The following ZNF592 variants were observed in gnomAD, a reference collection of about 807,000 sequenced individuals.
The protein encoded by ZNF592 is spinocerebellar ataxia, autosomal recessive 5.
In ZNF592, 11 loss-of-function variants were observed where a neutral mutation model predicts 80.3. The observed-to-expected ratio is 0.14, with a 90% CI of 0.09 to 0.23. The LOEUF (loss-of-function observed/expected upper bound fraction) is 0.23, where lower values mean the gene tolerates loss of function less well. ZNF592 is among the 10% of genes least tolerant of loss of function. The probability of loss-of-function intolerance (pLI) is 1.00; values close to 1 mark genes in which losing one functional copy is unlikely to be tolerated. For synonymous variants in ZNF592, 646 were observed against 640.3 expected (o/e 1.01, Z -0.13); for missense variants, 1,420 against 1,633.9 (o/e 0.87, Z 2.26).
intron 2 of ZNF592, among the ~76,000 whole-genome samples, chr15:84,768,061 A>ATTTTT (rs71135308): frequency 2.9e-5 from 4 of 137,484 alleles, no homozygotes; most frequent in Non-Finnish European, 4.7e-5. Flanking sequence ...TTTAATTTTA[A>ATTTTT]TTTTTTTTTT....
chr15:84,804,663 T>C lies in ZNF592; in HGVS notation c.*2270T>C, dbSNP rs1963193609. The C allele has an allele frequency of 6.6e-6, 1 of 152,246 alleles. No individual in the cohort carries two copies. The highest frequency in any genetic ancestry group is 1.5e-5 in the Non-Finnish European group (1 of 68,048). 9.4% of individuals were successfully genotyped at this position (152,246 alleles called of 1,614,324 possible). On this transcript the variant is annotated 3_prime_UTR_variant, in exon 11 of 11. Coordinates refer to ENST00000560079, the MANE Select transcript of ZNF592 (RefSeq NM_014630.3). ...AAGTATTTTCTAGTTTATAAAACAC[T>C]ATATGAATGTGGGGAAATCTTTACT...
At chr15:84,782,471 G>GC (rs541771792) in intron 3 of ZNF592, among the ~76,000 whole-genome samples, 186 bp from the exon 4 acceptor site, 10 of 152,160 alleles carry the variant, frequency 6.6e-5, no homozygotes, top group Non-Finnish European at 1.0e-4. Flanking sequence ...TTCCATCTCT[G>GC]CCCCCACCTC....
chr15:84,801,902 G>A lies in ZNF592; in HGVS notation c.3313G>A (p.Ala1105Thr), dbSNP rs111797492. 1.2e-5 allele frequency: 19 copies of A among 1,613,676 alleles called. No individual in the cohort carries two copies. The highest frequency in any genetic ancestry group is 4.5e-5 in the East Asian group (2 of 44,880). Residue 1105 changes from alanine to threonine, a missense_variant, in exon 11 of 11, where the codon GCT (alanine) becomes ACT (threonine). Around this residue, in one of 7 missense-constraint regions of ZNF592, gnomAD observed 145 missense variants for 211.9 expected, o/e 0.68. Coordinates refer to ENST00000560079, the MANE Select transcript of ZNF592 (RefSeq NM_014630.3). ...AAGACCAGTCAGTGGAGTGGGGGAC[G>A]CTCCAGGCACCAGCAATGGCGCAAC... ...LKRPVSGVGD[A>T]PGTSNGATVS... is the part of the protein sequence containing the mutation.
At chr15:84,754,010 G>C (rs559729998) in intron 1 of ZNF592, among the ~76,000 whole-genome samples, 7 of 152,304 alleles carry the variant, frequency 4.6e-5, no homozygotes, top group African/African-American at 1.7e-4. Context: ...CAGAGGATCA[G>C]AGTGCTACTT....
Position 84,778,189 on chromosome 15 carries a change from A to G in ZNF592, c.-143A>G. The G allele has an allele frequency of 6.3e-6, 1 of 159,126 alleles. No homozygotes were observed. The highest frequency in any genetic ancestry group is 1.5e-4 in the South Asian group (1 of 6,740). The allele number at this position is 159,126 out of a possible 1,614,324, so 9.9% of individuals were successfully genotyped here. ...TTTTTGTTTTTGTTTTAAGGAGCGG[A>G]GAGTTTAATAGGCAAGAAGGAAGGG... On this transcript the variant is annotated 5_prime_UTR_variant, in exon 3 of 11. Coordinates refer to ENST00000560079, the MANE Select transcript of ZNF592 (RefSeq NM_014630.3).
chr15:84,782,312 C>T (rs900425645), intron 3 of ZNF592, among the ~76,000 whole-genome samples: 2 of 152,122 alleles, frequency 1.3e-5, no homozygotes, highest in Admixed American at 6.6e-5. Flanking sequence ...TGCTAGTGCA[C>T]ATGATCGTGG....
In ZNF592 at chr15:84,803,599, C is replaced by T. The variant is rs867027851; in HGVS notation, c.*1206C>T. The T allele has an allele frequency of 6.6e-6, 1 of 152,220 alleles. No individual in the cohort carries two copies. Among genetic ancestry groups the T allele is most frequent in the Non-Finnish European group, 1.5e-5 (1 of 68,040 alleles). 9.4% of individuals were successfully genotyped at this position (152,220 alleles called of 1,614,324 possible). A position where few individuals can be genotyped will look rare whatever the true frequency, so the allele number is the denominator to read the frequency against. On this transcript the variant is annotated 3_prime_UTR_variant, in exon 11 of 11. Transcript: ENST00000560079. ...GGGCGTATCGAAATTTTCTAGGCAC[C>T]TTCATCTTTCCTTCAGTTGATTTTC...
intron 5 of ZNF592, among the ~76,000 whole-genome samples, chr15:84,793,991 T>C (rs757400281): frequency 2.0e-5 from 3 of 152,268 alleles, no homozygotes; most frequent in South Asian, 4.2e-4. Flanking sequence ...CAAGTTATCA[T>C]GTGGACATGT....
At chr15:84,788,503 T>G (rs1211501615) in intron 4 of ZNF592, among the ~76,000 whole-genome samples, 1 of 152,210 alleles carries the variant, frequency 6.6e-6, no homozygotes, top group Non-Finnish European at 1.5e-5. Context: ...GAGTTGTGAG[T>G]TGATACCCTG....
At position 84,797,972 on chromosome 15, in the gene ZNF592, G is replaced by A. The variant is rs745925350; in HGVS notation, c.2503G>A (p.Ala835Thr). The A allele has an allele frequency of 2.5e-6, 4 of 1,614,080 alleles. No individual in the cohort carries two copies. Among genetic ancestry groups the A allele is most frequent in the Non-Finnish European group, 3.4e-6 (4 of 1,180,058 alleles). The change falls in exon 6 of 11, where the codon GCC becomes ACC. Residue 835 changes from alanine (A) to threonine (T), a missense_variant. Around this residue, in one of 7 missense-constraint regions of ZNF592, gnomAD observed 331 missense variants for 347.0 expected, o/e 0.95. Coordinates refer to ENST00000560079, the MANE Select transcript of ZNF592 (RefSeq NM_014630.3). ...CCACAAATGTGCATTCTGCCCCATGGCCTTCAAGACTGCCAGCAGCACTGC... is the reference window on the plus strand; with the variant it reads ...CCACAAATGTGCATTCTGCCCCATGACCTTCAAGACTGCCAGCAGCACTGC... ...VFHKCAFCPMAFKTASSTADH... is the reference protein window; with the variant it reads ...VFHKCAFCPMTFKTASSTADH...
At chr15:84,756,741 A>T (rs971226149) in intron 1 of ZNF592, among the ~76,000 whole-genome samples, 4 of 152,140 alleles carry the variant, frequency 2.6e-5, no homozygotes, top group Admixed American at 6.6e-5. Context: ...TATTATATAT[A>T]TTTTTTAAGA....
chr15:84,796,094 C>T (rs2141997587), intron 5 of ZNF592, among the ~76,000 whole-genome samples: 1 of 150,762 alleles, frequency 6.6e-6, no homozygotes, highest in South Asian at 2.1e-4. Context: ...TGGTTGCAGG[C>T]ACCTGTAATC....
chr15:84,763,799 A>G (rs1899419512), intron 1 of ZNF592, among the ~76,000 whole-genome samples: 1 of 152,216 alleles, frequency 6.6e-6, no homozygotes, highest in Admixed American at 6.5e-5. Flanking sequence ...CGAGAAATTC[A>G]GGGAATGAGT....
chr15:84,780,929 G>A (rs535812757), intron 3 of ZNF592, among the ~76,000 whole-genome samples: 4 of 152,058 alleles, frequency 2.6e-5, no homozygotes, highest in Admixed American at 6.6e-5. Context: ...AAATGCACGC[G>A]TAGTTTTACA....
At chr15:84,766,885 C>T (rs1392144903) in intron 2 of ZNF592, among the ~76,000 whole-genome samples, 10 of 152,088 alleles carry the variant, frequency 6.6e-5, no homozygotes, top group Non-Finnish European at 1.2e-4. Context: ...TCCCTCCAGA[C>T]CTGTCAGTTT....
Position 84,798,430 on chromosome 15 carries a change from CCACTCTTGTTCGTGCA to C in ZNF592, c.2693_2708del (p.Pro898ArgfsTer5). The C allele has an allele frequency of 6.2e-7, 1 of 1,614,126 alleles. No homozygotes were observed. The highest frequency in any genetic ancestry group is 1.1e-5 in the South Asian group (1 of 91,082). ...GGGCGTCTTCAAGTGCCCTGAGTGC[CCACTCTTGTTCGTGCA>C]GAAGCCGGAGTTGATGCAACACGTC... On this transcript the variant is annotated frameshift_variant, in exon 7 of 11. Transcript: ENST00000560079. LOFTEE classifies it high-confidence loss of function. This position sits in a 1 kb window ranked among gnomAD's most constrained non-coding sequence, Gnocchi z 4.5.
intron 1 of ZNF592, among the ~76,000 whole-genome samples, chr15:84,750,696 G>C (rs1053892422): frequency 3.9e-5 from 6 of 152,150 alleles, no homozygotes; most frequent in African/African-American, 1.4e-4. Context: ...ATTTGAGTTG[G>C]GGGCTCAGGG....
chr15:84,788,628 G>A (rs1199471408), intron 4 of ZNF592, among the ~76,000 whole-genome samples: 1 of 152,150 alleles, frequency 6.6e-6, no homozygotes, highest in African/African-American at 2.4e-5. Flanking sequence ...GTTCAGTAGT[G>A]TTAATGTTAA....
Position 84,805,447 on chromosome 15 carries a change from C to T in ZNF592, c.*3054C>T, listed in dbSNP as rs1963213971. 1 of 152,694 alleles carries T rather than the reference C, an allele frequency of 6.5e-6. No individual in the cohort carries two copies. Among genetic ancestry groups the T allele is most frequent in the East Asian group, 1.9e-4 (1 of 5,182 alleles). 9.5% of individuals were successfully genotyped at this position (152,694 alleles called of 1,614,324 possible). On this transcript the variant is annotated 3_prime_UTR_variant, in exon 11 of 11. Transcript: ENST00000560079. ...TGAATGCTCTACTGATCAAGTTAAA[C>T]AGATAAGATCCCTTCCCTTGTAGAA...
Sources: allele counts gnomAD v4.1 joint callset (sites outside exome capture counted in the v4.1 genomes callset), GRCh38; gene constraint gnomAD v4.1.1; regional missense constraint gnomAD v4.1.1; non-coding constraint Gnocchi (gnomAD v3.1); transcripts MANE v1.5; gene names NCBI Gene and HGNC (gene_info 2026-07-23, HGNC 2026-07-21).